Variants in RGL3 observed in about 807,000 individuals in gnomAD.
RGL3 encodes the protein ral guanine nucleotide dissociation stimulator like 3.
Under a neutral mutation model 90.6 loss-of-function variants are expected in RGL3, and 85 were observed. The observed-to-expected ratio is 0.94, with a 90% CI of 0.79 to 1.12. The LOEUF is 1.12. Ranked by LOEUF, RGL3 falls within the 50% of genes most tolerant of loss-of-function variation. RGL3 has a pLI of 0.00. For missense variants in RGL3, 1,034 were observed against 939.2 expected, an observed-to-expected ratio of 1.10 and a Z score of -1.32; for synonymous variants, 408 against 385.5, an observed-to-expected ratio of 1.06 and a Z score of -0.68.
chr19:11,409,136 G>A lies in RGL3; in HGVS notation c.638-2272C>T, dbSNP rs374526216. The stretch of plus-strand genomic sequence containing the variant: ...TTGCAGTGAGCCAGGTCCACGCCAC[G>A]GCACTCTAGCCTGGGTGACAGAGAC... On this transcript the variant is annotated intron_variant, in intron 5 of 18. Coordinates refer to ENST00000380456, the MANE Select transcript of RGL3 (RefSeq NM_001035223.4). Among the ~76,000 whole-genome samples the A allele has an allele frequency of 1.3e-4, 19 of 150,688 alleles. No homozygotes were observed. In the East Asian group the frequency reaches 1.6e-3, roughly 12 times the overall value.
At chr19:11,401,913 T>G in intron 13 of RGL3, 98 bp downstream of exon 13, 2 of 1,428,666 alleles carry the variant, frequency 1.4e-6, no homozygotes, top group Non-Finnish European at 1.9e-6. Context: ...CAAGAGGGGG[T>G]CTTGGGAGGA....
At chr19:11,416,221 T>C in intron 4 of RGL3, 73 bp from the exon 5 acceptor site, 3 of 814,430 alleles carry the variant, frequency 3.7e-6, no homozygotes, top group Non-Finnish European at 4.9e-6. Context: ...GGTACCTTTT[T>C]TTTTTTTTTT....
intron 3 of RGL3, 78 bp downstream of exon 3, chr19:11,416,758 C>T: frequency 1.3e-6 from 2 of 1,593,032 alleles, no homozygotes; most frequent in Non-Finnish European, 1.7e-6. Context: ...TTCCAGGTTC[C>T]ACACCTGAGG....
Position 11,416,955 on chromosome 19 carries a change from T to C in RGL3, c.252A>G (p.Gly84=). 1 of 1,613,960 alleles carries C rather than the reference T, an allele frequency of 6.2e-7. No homozygotes were observed. The highest frequency in any genetic ancestry group is 8.5e-7 in the Non-Finnish European group (1 of 1,179,974). ...TGAAGCTGGGGTCCTGCTCACGGTC[T>C]CCAAACACCAACTCTCCCACCAGCC... ...LERLVGELVF[G]DREQDPSFMP... Residue 84 remains glycine, a synonymous_variant, in exon 3 of 19, where the codon GGA becomes GGG. Coordinates refer to ENST00000380456, the MANE Select transcript of RGL3 (RefSeq NM_001035223.4).
intron 4 of RGL3, 118 bp downstream of exon 4, chr19:11,416,496 A>C (rs1238004745): frequency 2.0e-6 from 2 of 1,005,846 alleles, no homozygotes; most frequent in Non-Finnish European, 3.2e-6. Context: ...ACCACGCCCC[A>C]CCTGACTCCC....
intron 11 of RGL3, 81 bp from the exon 12 acceptor site, chr19:11,402,328 C>T: frequency 6.3e-7 from 1 of 1,599,976 alleles, no homozygotes; most frequent in South Asian, 1.1e-5. Context: ...TGTCAGGAGC[C>T]CCACTGTAGT....
chr19:11,414,500 T>TTC (rs1968952713), intron 5 of RGL3, among the ~76,000 whole-genome samples: 1 of 75,146 alleles, frequency 1.3e-5, no homozygotes, highest in African/African-American at 5.1e-5. Context: ...CATATATATA[T>TTC]ATATATATAT....
chr19:11,394,586 G>A (rs1481164765), intron 18 of RGL3, 66 bp from the exon 19 acceptor site: 32 of 1,251,216 alleles, frequency 2.6e-5, no homozygotes, highest in Admixed American at 3.4e-5. Flanking sequence ...CAGAGGACCC[G>A]GGAGCCTCCT....
intron 18 of RGL3, among the ~76,000 whole-genome samples, chr19:11,396,683 T>C (rs1240100669): frequency 7.5e-6 from 1 of 133,382 alleles, no homozygotes; most frequent in Non-Finnish European, 1.5e-5. Flanking sequence ...TTTTTTTTTT[T>C]AAACAGAGTC....
intron 1 of RGL3, 50 bp downstream of exon 1, chr19:11,419,196 A>G: frequency 6.4e-7 from 1 of 1,574,762 alleles, no homozygotes; most frequent in African/African-American, 1.4e-5. Flanking sequence ...GAGTTTCTGG[A>G]CCTGCGGGTC....
At chr19:11,414,517 A>ACC (rs1568342071) in intron 5 of RGL3, among the ~76,000 whole-genome samples, 43 of 112,196 alleles carry the variant, frequency 3.8e-4, no homozygotes, top group African/African-American at 1.3e-3. Flanking sequence ...ATATATATAT[A>ACC]TATATATATA....
At chr19:11,397,859 A>C in intron 16 of RGL3, 3 of 257,452 alleles carry the variant, frequency 1.2e-5, no homozygotes, top group East Asian at 1.6e-4. Context: ...AAATACAAAA[A>C]TTAGCAGGGC....
chr19:11,414,235 ATATATATATACCTT>A (rs1319901216), intron 5 of RGL3, among the ~76,000 whole-genome samples: 13 of 88,850 alleles, frequency 1.5e-4, no homozygotes, highest in South Asian at 4.0e-4. Context: ...ATACCTTTAT[ATATATATATACCTT>A]TATATATATA....
intron 18 of RGL3, among the ~76,000 whole-genome samples, chr19:11,395,873 C>T (rs1307035355): frequency 2.0e-5 from 3 of 150,734 alleles, no homozygotes; most frequent in Admixed American, 6.6e-5. Flanking sequence ...GTGATCCACC[C>T]GCCTCGGCCT....
At chr19:11,408,882 G>C (rs1414543547) in intron 5 of RGL3, 2 of 152,038 alleles carry the variant, frequency 1.3e-5, no homozygotes, top group African/African-American at 4.8e-5. Context: ...TTGTCTTTAA[G>C]AAAGGAAGAA....
chr19:11,396,358 C>T (rs1274752906), intron 18 of RGL3, among the ~76,000 whole-genome samples: 4 of 149,908 alleles, frequency 2.7e-5, no homozygotes, highest in Non-Finnish European at 4.4e-5. Flanking sequence ...TTAGTAGAGA[C>T]GGGGCTTCAC....
In RGL3 at chr19:11,402,789, T is replaced by C. The variant is rs936062765; in HGVS notation, c.1186-83A>G. On this transcript the variant is annotated intron_variant, in intron 9 of 18. Transcript: ENST00000380456. ...ACGATGCCTGCAGACCCATCATATA[T>C]ACCCTTCATGCTTTGAGTAATCAAA... is the stretch of plus-strand genomic sequence containing the variant. 24 of 1,171,618 alleles carry C rather than the reference T, an allele frequency of 2.0e-5. No homozygotes were observed. In the African/African-American group the frequency reaches 3.6e-4, roughly 17 times the overall value. 72.6% of individuals were successfully genotyped at this position (1,171,618 alleles called of 1,614,324 possible). A position where few individuals can be genotyped will look rare whatever the true frequency, so the allele number is the denominator to read the frequency against.
chr19:11,400,175 C>T (rs748730868), intron 14 of RGL3, 27 bp downstream of exon 14: 10 of 1,561,048 alleles, frequency 6.4e-6, no homozygotes, highest in South Asian at 3.6e-5. Context: ...CCCACATCAC[C>T]GCCCCTACAC....
intron 7 of RGL3, 110 bp downstream of exon 7, chr19:11,406,308 AC>A: frequency 2.7e-6 from 3 of 1,120,198 alleles, no homozygotes; most frequent in Non-Finnish European, 3.8e-6. Context: ...TCAACTTTCC[AC>A]CCCGTTCCCT....
Sources: gnomAD v4.1 joint callset for allele counts (sites outside exome capture counted in the v4.1 genomes callset) on GRCh38, gnomAD v4.1.1 for gene constraint, MANE v1.5 for transcripts, NCBI Gene and HGNC (gene_info 2026-07-23, HGNC 2026-07-21) for gene names.